Variants in ARHGEF40 observed in about 807,000 individuals in gnomAD.
ARHGEF40 encodes Rho guanine nucleotide exchange factor 40, also known as Rho guanine nucleotide exchange factor (GEF) 40.
A neutral mutation model predicts 165.9 loss-of-function variants in ARHGEF40; 98 were observed. The ratio of observed to expected loss-of-function variants is 0.59; its 90% CI spans 0.50 to 0.70. The LOEUF is 0.70. Among genes scored for constraint, ARHGEF40 ranks in the 30% least tolerant of loss-of-function variants. The pLI is 0.00. For synonymous variants in ARHGEF40, 792 were observed against 814.3 expected (o/e 0.97, Z 0.47); for missense variants, 1,815 against 1,968.0 (o/e 0.92, Z 1.47).
rs1594554245 is a variant in ARHGEF40 at position 21,074,949 on chromosome 14, G to T, written c.1219G>T (p.Asp407Tyr). ...SAPLSPGDKE[D>Y]ASHQEALGNL... ...CCCACTGAGCCCTGGGGACAAGGAA[G>T]ATGCCAGCCACCAAGAAGCCCTTGG... Residue 407 changes from aspartate (D) to tyrosine (Y), a missense_variant, in exon 3 of 24, where the codon GAT becomes TAT. By Grantham distance (160) the Asp-to-Tyr change is radical. Coordinates refer to ENST00000298694, the MANE Select transcript of ARHGEF40 (RefSeq NM_018071.5). The surrounding 1 kb of genome is among the most constrained non-coding windows in gnomAD (Gnocchi z 4.8). 27 of 1,608,200 alleles carry T rather than the reference G, an allele frequency of 1.7e-5. No individual in the cohort carries two copies. The highest frequency in any genetic ancestry group is 2.2e-5 in the Non-Finnish European group (26 of 1,177,766).
chr14:21,074,551 G>C lies in ARHGEF40; in HGVS notation c.821G>C (p.Arg274Pro), dbSNP rs781173098. 8.4e-6 allele frequency: 13 copies of C among 1,551,224 alleles called. No homozygotes were observed. In the Middle Eastern group the frequency reaches 6.9e-4, roughly 82 times the overall value. ...GLSRVRTVPTRKGAGGKGRHR... is the reference protein window; with the variant it reads ...GLSRVRTVPTPKGAGGKGRHR... Reference sequence around the variant, plus strand: ...TCCAGAGTCCGGACGGTACCCACCCGCAAGGGCGCTGGAGGGAAGGGCCGC... The same window carrying C: ...TCCAGAGTCCGGACGGTACCCACCCCCAAGGGCGCTGGAGGGAAGGGCCGC... Residue 274 changes from arginine to proline, a missense_variant, in exon 3 of 24, where the codon CGC becomes CCC. By Grantham distance (103) the Arg-to-Pro change is moderately radical. Coordinates refer to ENST00000298694, the MANE Select transcript of ARHGEF40 (RefSeq NM_018071.5). This position sits in a 1 kb window ranked among gnomAD's most constrained non-coding sequence, Gnocchi z 4.8.
At chr14:21,064,261 G>A in the ARHGEF40 span, among the ~76,000 whole-genome samples, 1 of 151,818 alleles carries the variant, frequency 6.6e-6, no homozygotes, top group Non-Finnish European at 1.5e-5. Flanking sequence ...CCCTAAAATT[G>A]AGAGTGACTA....
chr14:21,076,596 C>T lies in ARHGEF40; in HGVS notation c.1870C>T (p.Leu624=), dbSNP rs771676818. 3.1e-6 allele frequency: 5 copies of T among 1,614,116 alleles called. No individual in the cohort carries two copies. In the East Asian group the frequency reaches 1.1e-4, roughly 36 times the overall value. Residue 624 remains leucine (L), a synonymous_variant, in exon 7 of 24, where the codon CTG becomes TTG. Coordinates refer to ENST00000298694, the MANE Select transcript of ARHGEF40 (RefSeq NM_018071.5). The stretch of plus-strand genomic sequence containing the variant: ...AGATCCTCCCCTTGTTCAGCGGCTG[C>T]TGATTCTCATTCATGATGACCTTCC... ...SGDPPLVQRL[L]ILIHDDLPTE...
In ARHGEF40 at chr14:21,084,930, T is replaced by G. The variant is rs770913979; in HGVS notation, c.3960+7T>G. On this transcript the variant is annotated splice_region_variant and intron_variant, in intron 18 of 23. Coordinates refer to ENST00000298694, the MANE Select transcript of ARHGEF40 (RefSeq NM_018071.5). ...TTACAAGCAGGCCTTTAAGGTACGA[T>G]TCCTGGAGTGAGTGGTGGAGGTGAC... The G allele has an allele frequency of 6.2e-7, 1 of 1,611,576 alleles. No homozygotes were observed. Among genetic ancestry groups the G allele is most frequent in the African/African-American group, 1.3e-5 (1 of 74,868 alleles).
upstream of ARHGEF40, among the ~76,000 whole-genome samples, chr14:21,068,766 T>A (rs1886434821): frequency 6.6e-6 from 1 of 152,212 alleles, no homozygotes; most frequent in Non-Finnish European, 1.5e-5. Context: ...TTACCGGGGC[T>A]TGTTGCCATA....
intron 11 of ARHGEF40, 98 bp from the exon 12 acceptor site, chr14:21,080,562 A>T (rs1028296420): frequency 3.7e-6 from 5 of 1,369,168 alleles, no homozygotes; most frequent in Non-Finnish European, 4.9e-6. Flanking sequence ...GTTCACTCAA[A>T]GTTCTATAGA....
In ARHGEF40 at chr14:21,078,909, C is replaced by G; in HGVS notation, c.2272C>G (p.Leu758Val). The G allele has an allele frequency of 6.2e-7, 1 of 1,614,056 alleles. No homozygotes were observed. Among genetic ancestry groups the G allele is most frequent in the Non-Finnish European group, 8.5e-7 (1 of 1,179,880 alleles). The part of the protein sequence containing the change: ...SKLEGQGPAT[L>V]YQEVDEAIHQ... ...GCTGGAGGGCCAAGGCCCAGCTACA[C>G]TGTATCAGGAAGTGGACGAGGCCAT... is the stretch of plus-strand genomic sequence containing the variant. The change falls in exon 11 of 24, where the codon CTG becomes GTG. Residue 758 changes from leucine to valine, a missense_variant. Physicochemically the swap from Leu to Val is conservative, Grantham distance 32 (BLOSUM62 1). Transcript: ENST00000298694.
At chr14:21,084,139 C>T in intron 17 of ARHGEF40, 89 bp downstream of exon 17, 2 of 1,361,610 alleles carry the variant, frequency 1.5e-6, no homozygotes, top group Non-Finnish European at 2.0e-6. Context: ...AACCAGGCTC[C>T]AGGTCAGAGG....
Position 21,075,804 on chromosome 14 carries a change from T to TCCTG in ARHGEF40, c.1739+40_1739+43dup. The stretch of plus-strand genomic sequence containing the variant: ...AGTCCTGGCACCCTGGACACTAACC[T>TCCTG]CCTGATTCATGAGGACCCTCACCTC... On this transcript the variant is annotated intron_variant, in intron 5 of 23. Transcript: ENST00000298694. The surrounding 1 kb of genome is among the most constrained non-coding windows in gnomAD (Gnocchi z 4.5). 6.3e-7 allele frequency: 1 copy of TCCTG among 1,595,974 alleles called. No homozygotes were observed. The highest frequency in any genetic ancestry group is 8.6e-7 in the Non-Finnish European group (1 of 1,169,582).
Position 21,075,229 on chromosome 14 carries a change from G to C in ARHGEF40, c.1450+49G>C, listed in dbSNP as rs760977302. ...CATGGGGCAAGGGCCAAAGCAGGTC[G>C]GGCCTATGGGAGGGGGCAGGAGGAG... On this transcript the variant is annotated intron_variant, in intron 3 of 23. Transcript: ENST00000298694. The surrounding 1 kb of genome is among the most constrained non-coding windows in gnomAD (Gnocchi z 4.5). 5.7e-6 allele frequency: 9 copies of C among 1,584,142 alleles called. No individual in the cohort carries two copies. The highest frequency in any genetic ancestry group is 1.7e-5 in the Admixed American group (1 of 57,828).
Position 21,075,523 on chromosome 14 carries a change from G to A in ARHGEF40, c.1618+24G>A. 1 of 1,614,206 alleles carries A rather than the reference G, an allele frequency of 6.2e-7. No individual in the cohort carries two copies. The highest frequency in any genetic ancestry group is 1.3e-5 in the African/African-American group (1 of 75,058). On this transcript the variant is annotated intron_variant, in intron 4 of 23. Transcript: ENST00000298694. The surrounding 1 kb of genome is among the most constrained non-coding windows in gnomAD (Gnocchi z 4.5). Reference sequence around the variant, plus strand: ...GGGTCAGTGGGCATCAGTGGGTGAAGGGAAACAGGACTGGGAAAGAGAAGC... The same window carrying A: ...GGGTCAGTGGGCATCAGTGGGTGAAAGGAAACAGGACTGGGAAAGAGAAGC...
At chr14:21,061,479 T>A in the ARHGEF40 span, among the ~76,000 whole-genome samples, 6 of 151,990 alleles carry the variant, frequency 3.9e-5, no homozygotes, top group African/African-American at 1.2e-4. Context: ...ACTCTGAGGG[T>A]AATGACACAG....
At chr14:21,085,366 C>A (rs1385797484) in intron 18 of ARHGEF40, among the ~76,000 whole-genome samples, 3 of 152,154 alleles carry the variant, frequency 2.0e-5, no homozygotes, top group Non-Finnish European at 2.9e-5. Flanking sequence ...GGAATGGATT[C>A]TAAGGGTTTC....
At position 21,074,043 on chromosome 14, in the gene ARHGEF40, T is replaced by G. The variant is rs141203211; in HGVS notation, c.313T>G (p.Phe105Val). Residue 105 changes from phenylalanine (F) to valine (V), a missense_variant, in exon 3 of 24, where the codon TTC (phenylalanine) becomes GTC (valine). By Grantham distance (50) the Phe-to-Val change is conservative. Coordinates refer to ENST00000298694, the MANE Select transcript of ARHGEF40 (RefSeq NM_018071.5). The surrounding 1 kb of genome is among the most constrained non-coding windows in gnomAD (Gnocchi z 4.8). Reference protein sequence around the residue: ...LPWQLLRPGDFYLQVVPSAAQ... With the variant: ...LPWQLLRPGDVYLQVVPSAAQ... ...CTGGCAACTGCTGCGCCCAGGAGAC[T>G]TCTATCTGCAGGTGGTGCCCTCAGC... is the stretch of plus-strand genomic sequence containing the variant. 7.4e-6 allele frequency: 12 copies of G among 1,613,972 alleles called. No homozygotes were observed. Among genetic ancestry groups the G allele is most frequent in the Non-Finnish European group, 1.0e-5 (12 of 1,180,032 alleles).
rs2139218328 is a variant in ARHGEF40, at chr14:21,075,103, T to C, written c.1373T>C (p.Leu458Pro). The change falls in exon 3 of 24, where the codon CTC becomes CCC. Residue 458 changes from leucine to proline, a missense_variant. Coordinates refer to ENST00000298694, the MANE Select transcript of ARHGEF40 (RefSeq NM_018071.5). The surrounding 1 kb of genome is among the most constrained non-coding windows in gnomAD (Gnocchi z 4.5). Reference protein sequence around the residue: ...LKTAGEKEPQLSEACGPTEEG... With the variant: ...LKTAGEKEPQPSEACGPTEEG... ...ACAGCAGGCGAGAAAGAGCCTCAGC[T>C]CTCTGAAGCCTGTGGGCCTACAGAA... 6.2e-7 allele frequency: 1 copy of C among 1,613,922 alleles called. No homozygotes were observed. The highest frequency in any genetic ancestry group is 1.3e-5 in the African/African-American group (1 of 75,020).
chr14:21,086,043 C>A, intron 19 of ARHGEF40, 177 bp downstream of exon 19: 1 of 795,772 alleles, frequency 1.3e-6, no homozygotes, highest in Non-Finnish European at 1.9e-6. Context: ...CTAAGATATA[C>A]CAAAAAGAAA....
Position 21,075,231 on chromosome 14 carries a change from G to A in ARHGEF40, c.1450+51G>A. The A allele has an allele frequency of 6.3e-7, 1 of 1,585,540 alleles. No individual in the cohort carries two copies. The highest frequency in any genetic ancestry group is 8.6e-7 in the Non-Finnish European group (1 of 1,166,540). The stretch of plus-strand genomic sequence containing the variant: ...TGGGGCAAGGGCCAAAGCAGGTCGG[G>A]CCTATGGGAGGGGGCAGGAGGAGGA... On this transcript the variant is annotated intron_variant, in intron 3 of 23. Transcript: ENST00000298694. The surrounding 1 kb of genome is among the most constrained non-coding windows in gnomAD (Gnocchi z 4.5).
Position 21,087,439 on chromosome 14 carries a change from C to G in ARHGEF40, c.4363C>G (p.Leu1455Val). 1 of 1,600,930 alleles carries G rather than the reference C, an allele frequency of 6.2e-7. No homozygotes were observed. The highest frequency in any genetic ancestry group is 8.5e-7 in the Non-Finnish European group (1 of 1,179,936). The change falls in exon 21 of 24, where the codon CTG becomes GTG. Residue 1455 changes from leucine (L) to valine (V), a missense_variant. Coordinates refer to ENST00000298694, the MANE Select transcript of ARHGEF40 (RefSeq NM_018071.5). ...PARVEEEAWD[L>V]DVKQISLAPE... ...CCGCGTCGAGGAGGAGGCCTGGGAT[C>G]TGGACGTCAAGCAAATTTCCCTGGG...
In ARHGEF40 at chr14:21,088,996, T is replaced by G; in HGVS notation, c.*6-18T>G. The G allele has an allele frequency of 1.0e-6, 1 of 993,484 alleles. No individual in the cohort carries two copies. The highest frequency in any genetic ancestry group is 1.5e-5 in the South Asian group (1 of 64,996). 61.5% of individuals were successfully genotyped at this position (993,484 alleles called of 1,614,324 possible). The stretch of plus-strand genomic sequence containing the variant: ...TTCCCTCTCCCAACTCATCTCCCTC[T>G]TCTCTCCTGGCTTCTAGAGAAGATC... On this transcript the variant is annotated intron_variant, in intron 23 of 23. Transcript: ENST00000298694.
Sources: allele counts gnomAD v4.1 joint callset (sites outside exome capture counted in the v4.1 genomes callset), GRCh38; gene constraint gnomAD v4.1.1; non-coding constraint Gnocchi (gnomAD v3.1); transcripts MANE v1.5; gene names NCBI Gene and HGNC (gene_info 2026-07-23, HGNC 2026-07-21).